Variants in NAA16 observed in about 807,000 individuals in gnomAD.
NAA16 encodes N-alpha-acetyltransferase 16, NatA auxiliary subunit, also known as NARG1-like protein.
A neutral mutation model predicts 110.3 loss-of-function variants in NAA16; 97 were observed. That is an observed-to-expected ratio of 0.88 (90% confidence interval 0.75 to 1.04). NAA16 has a LOEUF of 1.04. Among genes scored for constraint, NAA16 ranks in the 50% least tolerant of loss-of-function variants. The pLI, the probability that NAA16 is intolerant of heterozygous loss-of-function variation, is 0.00. For synonymous variants in NAA16, 372 were observed against 330.6 expected, an observed-to-expected ratio of 1.13 and a Z score of -1.36; for missense variants, 1,017 against 1,005.1, an observed-to-expected ratio of 1.01 and a Z score of -0.16.
intron 3 of NAA16, 105 bp from the exon 4 acceptor site, chr13:41,320,562 C>A: frequency 7.9e-6 from 9 of 1,145,556 alleles, no homozygotes; most frequent in Non-Finnish European, 1.1e-5. Context: ...TCATTCTGAA[C>A]AAATCCCAGG....
intron 9 of NAA16, among the ~76,000 whole-genome samples, chr13:41,352,633 C>T (rs1034247977): frequency 2.0e-5 from 3 of 152,086 alleles, no homozygotes; most frequent in Middle Eastern, 3.4e-3. Flanking sequence ...CCAGCCTAGG[C>T]AACAGAGTGA....
chr13:41,340,987 G>C (rs1416290115), intron 9 of NAA16, among the ~76,000 whole-genome samples: 1 of 152,152 alleles, frequency 6.6e-6, no homozygotes, highest in Non-Finnish European at 1.5e-5. Context: ...TCTTAATCCT[G>C]AGTTCTAATT....
rs1420363176 is a variant in NAA16, at chr13:41,329,723, GTAA to G, written c.811+885_811+887del. On this transcript the variant is annotated intron_variant, in intron 7 of 19. Coordinates refer to ENST00000379406, the MANE Select transcript of NAA16 (RefSeq NM_024561.5). The stretch of plus-strand genomic sequence containing the variant: ...GATTAAAATCACAATATTGATTAAA[GTAA>G]TAATCTGAAGAAAACAGCAAAGCTC... Among the ~76,000 whole-genome samples the G allele has an allele frequency of 1.1e-4, 17 of 151,956 alleles. No individual in the cohort carries two copies. In the East Asian group the frequency reaches 3.3e-3, roughly 29 times the overall value.
chr13:41,364,374 TGTA>T (rs374342223), intron 13 of NAA16, among the ~76,000 whole-genome samples: 39 of 152,276 alleles, frequency 2.6e-4, no homozygotes, highest in African/African-American at 7.2e-4. Flanking sequence ...AATAAGCTAG[TGTA>T]GTATCTTTTC....
At chr13:41,340,691 T>TC (rs1462129785) in intron 9 of NAA16, among the ~76,000 whole-genome samples, 26 of 105,308 alleles carry the variant, frequency 2.5e-4, no homozygotes, top group Non-Finnish European at 3.5e-4. Flanking sequence ...TTTTTTTTTT[T>TC]CCGAGACGGA....
At chr13:41,325,580 G>A in intron 5 of NAA16, 118 bp from the exon 6 acceptor site, 4 of 530,152 alleles carry the variant, frequency 7.5e-6, no homozygotes, top group Non-Finnish European at 1.3e-5. Context: ...GTTTGTATCT[G>A]CTTGTGGGTT....
intron 9 of NAA16, among the ~76,000 whole-genome samples, chr13:41,345,234 C>T (rs1007350377): frequency 6.6e-5 from 10 of 152,130 alleles, no homozygotes; most frequent in African/African-American, 2.4e-4. Flanking sequence ...CAAATGGTAA[C>T]TCTATGTTTA....
At chr13:41,370,426 C>A (rs1035152140) in intron 15 of NAA16, among the ~76,000 whole-genome samples, 1 of 152,118 alleles carries the variant, frequency 6.6e-6, no homozygotes, top group African/African-American at 2.4e-5. Flanking sequence ...GGATTTAAGG[C>A]AGGAAGGGAT....
chr13:41,362,359 G>C, intron 13 of NAA16, 200 bp downstream of exon 13: 1 of 512,880 alleles, frequency 1.9e-6, no homozygotes. Context: ...CTTTTGACAT[G>C]TCTATATATT....
At chr13:41,327,792 G>A (rs535128301) in intron 6 of NAA16, 16 of 151,162 alleles carry the variant, frequency 1.1e-4, no homozygotes, top group Non-Finnish European at 2.2e-4. Context: ...CAGGCAGTGT[G>A]CTGTCACAAA....
chr13:41,313,653 C>G (rs2483101), intron 1 of NAA16, among the ~76,000 whole-genome samples: 8,033 of 152,256 alleles, frequency 0.053, 283 homozygotes, highest in Non-Finnish European at 0.074. Context: ...TGGCTTGTAT[C>G]TGCATGTCTT....
chr13:41,343,359 C>T (rs1190165192), intron 9 of NAA16, among the ~76,000 whole-genome samples: 3 of 152,072 alleles, frequency 2.0e-5, no homozygotes, highest in African/African-American at 7.2e-5. Context: ...CAGTGCACTG[C>T]GATTACAGGT....
intron 12 of NAA16, among the ~76,000 whole-genome samples, chr13:41,360,676 T>C (rs1486248088): frequency 6.6e-6 from 1 of 152,190 alleles, no homozygotes; most frequent in Non-Finnish European, 1.5e-5. Context: ...TAATATGTGG[T>C]GAACAACATA....
At chr13:41,313,919 T>C (rs1186005126) in intron 1 of NAA16, among the ~76,000 whole-genome samples, 2 of 151,118 alleles carry the variant, frequency 1.3e-5, no homozygotes, top group African/African-American at 4.9e-5. Context: ...TGGAGTGCAG[T>C]GGCAAGATCT....
intron 11 of NAA16, 89 bp from the exon 12 acceptor site, chr13:41,358,721 T>C: frequency 6.8e-7 from 1 of 1,481,156 alleles, no homozygotes; most frequent in Non-Finnish European, 9.0e-7. Flanking sequence ...GTGACAGATT[T>C]CTTTTTTGTC....
chr13:41,340,992 C>G (rs980071335), intron 9 of NAA16, among the ~76,000 whole-genome samples: 8 of 152,218 alleles, frequency 5.3e-5, no homozygotes, highest in African/African-American at 1.9e-4. Flanking sequence ...ATCCTGAGTT[C>G]TAATTTGATT....
intron 8 of NAA16, among the ~76,000 whole-genome samples, chr13:41,334,914 C>G (rs76794221): frequency 6.8e-6 from 1 of 147,914 alleles, no homozygotes; most frequent in Non-Finnish European, 1.5e-5. Flanking sequence ...TCACCCCCCC[C>G]ACTGTGCTTT....
chr13:41,373,564 G>A lies in NAA16; in HGVS notation c.2156-73G>A. On this transcript the variant is annotated intron_variant, in intron 17 of 19. Coordinates refer to ENST00000379406, the MANE Select transcript of NAA16 (RefSeq NM_024561.5). ...TGAGCCACCGCGCCCAGCCATAAAG[G>A]GTTTTCAGTAGGTTTTTTTTTTTTC... 3 of 1,469,664 alleles carry A rather than the reference G, an allele frequency of 2.0e-6. No homozygotes were observed. In the African/African-American group the frequency reaches 4.3e-5, roughly 21 times the overall value. The allele number at this position is 1,469,664 out of a possible 1,614,324, so 91.0% of individuals were successfully genotyped here.
At chr13:41,359,750 G>T (rs1310186104) in intron 12 of NAA16, among the ~76,000 whole-genome samples, 1 of 151,956 alleles carries the variant, frequency 6.6e-6, no homozygotes, top group African/African-American at 2.4e-5. Context: ...ATATAAAGGA[G>T]CTTAGGATAA....
Sources: gnomAD v4.1 joint callset for allele counts (sites outside exome capture counted in the v4.1 genomes callset) on GRCh38, gnomAD v4.1.1 for gene constraint, MANE v1.5 for transcripts, NCBI Gene and HGNC (gene_info 2026-07-23, HGNC 2026-07-21) for gene names.